DDX43: variants seen among roughly 807,000 people sequenced by gnomAD.
DDX43 encodes the protein probable ATP-dependent RNA helicase DDX43.
Under a neutral mutation model 84.9 loss-of-function variants are expected in DDX43, and 50 were observed. The ratio of observed to expected loss-of-function variants is 0.59; its 90% CI spans 0.47 to 0.75. DDX43 has a LOEUF of 0.75. Ranked by LOEUF, DDX43 falls within the 30% of genes least tolerant of loss-of-function variation. DDX43 has a pLI of 0.00. For synonymous variants in DDX43, 291 were observed against 266.3 expected (o/e 1.09, Z -0.90); for missense variants, 689 against 798.6 (o/e 0.86, Z 1.65).
chr6:73,401,825 GA>G lies in DDX43; in HGVS notation c.437-27del, dbSNP rs770835193. On this transcript the variant is annotated intron_variant, in intron 3 of 16. Transcript: ENST00000370336. ...TCAAAAAAAAAAAAAAAAAAAAATA[GA>G]AAAAAACTAATCGATACAAATGTTT... 1,048 of 1,207,916 alleles carry G rather than the reference GA, an allele frequency of 8.7e-4. 6 individuals carry two copies. The African/African-American group carries it at 0.015, about 17-fold the overall frequency. The allele number at this position is 1,207,916 out of a possible 1,614,324, so 74.8% of individuals were successfully genotyped here.
At chr6:73,415,440 T>G in intron 14 of DDX43, 57 bp from the exon 15 acceptor site, 9 of 1,267,106 alleles carry the variant, frequency 7.1e-6, no homozygotes, top group Non-Finnish European at 1.0e-5. Context: ...TTTTCATTTG[T>G]CTTATTCTGT....
chr6:73,404,786 T>C lies in DDX43; in HGVS notation c.650+15T>C. On this transcript the variant is annotated intron_variant, in intron 5 of 16. Transcript: ENST00000370336. The stretch of plus-strand genomic sequence containing the variant: ...GATAGTTGGAGGTGGGTAGTTTCAT[T>C]ACCTAGTTGTGTAAGTATTTGTATA... 6.3e-7 allele frequency: 1 copy of C among 1,588,188 alleles called. No homozygotes were observed. The highest frequency in any genetic ancestry group is 1.1e-5 in the South Asian group (1 of 89,392).
In DDX43 at chr6:73,416,246, G is replaced by A; in HGVS notation, c.*20G>A. 1.5e-6 allele frequency: 2 copies of A among 1,323,550 alleles called. No homozygotes were observed. The highest frequency in any genetic ancestry group is 2.2e-6 in the Non-Finnish European group (2 of 919,168). 82.0% of individuals were successfully genotyped at this position (1,323,550 alleles called of 1,614,324 possible). ...CATTAATGTCTTCTGTACTAGTGGG[G>A]TAGAGGTAAAAGTTCAATAACATAT... On this transcript the variant is annotated 3_prime_UTR_variant, in exon 16 of 17. Transcript: ENST00000370336.
In DDX43 at chr6:73,397,735, C is replaced by T. The variant is rs559762267; in HGVS notation, c.297C>T (p.Thr99=). The T allele has an allele frequency of 6.6e-5, 107 of 1,613,732 alleles. 1 individual carries two copies. The South Asian group carries it at 1.1e-3, about 17-fold the overall frequency. ...KIKNIQSTTN[T]TIQIIQEQPE... The stretch of plus-strand genomic sequence containing the variant: ...AGAATATACAAAGTACAACAAACAC[C>T]ACAATCCAAGTAAGCCATCTGTGTT... Residue 99 remains threonine (T), a synonymous_variant, in exon 2 of 17, where the codon ACC becomes ACT. Coordinates refer to ENST00000370336, the MANE Select transcript of DDX43 (RefSeq NM_018665.3).
chr6:73,400,290 A>G lies in DDX43; in HGVS notation c.363A>G (p.Gln121=), dbSNP rs146682107. 8.1e-6 allele frequency: 13 copies of G among 1,611,062 alleles called. No homozygotes were observed. The highest frequency in any genetic ancestry group is 1.0e-5 in the Non-Finnish European group (12 of 1,178,962). The stretch of plus-strand genomic sequence containing the variant: ...AAATTTTTGGCAGCAAGGCAATGCA[A>G]ACGAAAGCAAAAGCAGTGATAGACA... ...LVKIFGSKAM[Q]TKAKAVIDNF... is the part of the protein sequence containing the mutation. The change falls in exon 3 of 17, where the codon CAA becomes CAG. Residue 121 remains glutamine (Q), a synonymous_variant. Transcript: ENST00000370336.
chr6:73,404,870 C>T (rs1035943187), intron 5 of DDX43, 99 bp downstream of exon 5: 44 of 913,816 alleles, frequency 4.8e-5, no homozygotes, highest in Non-Finnish European at 7.2e-5. Flanking sequence ...AAGGCTACGC[C>T]TTCAATATTC....
At chr6:73,409,008 G>A (rs1769734497) in intron 9 of DDX43, among the ~76,000 whole-genome samples, 1 of 152,206 alleles carries the variant, frequency 6.6e-6, no homozygotes, top group Non-Finnish European at 1.5e-5. Context: ...GGATATTTTA[G>A]ACACTTAAAA....
chr6:73,406,416 A>G lies in DDX43; in HGVS notation c.860A>G (p.Gln287Arg). 6.2e-7 allele frequency: 1 copy of G among 1,613,866 alleles called. No homozygotes were observed. ...GGAATAGATCTTATAGGAGTAGCCC[A>G]GACTGGAACAGGAAAGACATTGTGT... ...LQGIDLIGVA[Q>R]TGTGKTLCYL... The change falls in exon 7 of 17, where the codon CAG becomes CGG. Residue 287 changes from glutamine (Q) to arginine (R), a missense_variant. This residue lies in a region of DDX43 where 552 missense variants were observed against 692.7 expected (regional missense o/e 0.80). Transcript: ENST00000370336.
At chr6:73,397,562 A>G (rs1769495498) in intron 1 of DDX43, 127 bp from the exon 2 acceptor site, 2 of 756,822 alleles carry the variant, frequency 2.6e-6, no homozygotes, top group Admixed American at 2.5e-5. Context: ...TCCAAACAAA[A>G]AATGATTGTT....
At chr6:73,399,196 C>T (rs1769525590) in intron 2 of DDX43, among the ~76,000 whole-genome samples, 1 of 152,208 alleles carries the variant, frequency 6.6e-6, no homozygotes. Context: ...ATCCACCCGC[C>T]TCAGCCTCCC....
intron 2 of DDX43, among the ~76,000 whole-genome samples, chr6:73,398,904 T>C (rs1383878391): frequency 6.6e-6 from 1 of 152,210 alleles, no homozygotes; most frequent in East Asian, 1.9e-4. Context: ...CTTCCATTTG[T>C]ATCCTCTAAT....
Position 73,395,170 on chromosome 6 carries a change from G to A in DDX43, c.250+15G>A. 1 of 1,594,968 alleles carries A rather than the reference G, an allele frequency of 6.3e-7. No individual in the cohort carries two copies. The highest frequency in any genetic ancestry group is 1.3e-5 in the African/African-American group (1 of 74,576). On this transcript the variant is annotated intron_variant, in intron 1 of 16. Transcript: ENST00000370336. Reference sequence around the variant, plus strand: ...CGCGGTAATCGGTGAGAATGGGAGTGGCTGGCAGGGCAGGATAGGTGGGGC... The same window carrying A: ...CGCGGTAATCGGTGAGAATGGGAGTAGCTGGCAGGGCAGGATAGGTGGGGC...
Position 73,403,816 on chromosome 6 carries a change from A to AT in DDX43, c.569-855dup, listed in dbSNP as rs35707346. Among the ~76,000 whole-genome samples, 667 of 138,602 alleles carry AT rather than the reference A, an allele frequency of 4.8e-3. 11 individuals are homozygous for AT. The highest frequency in any genetic ancestry group is 0.044 in the South Asian group (186 of 4,198). 90.9% of individuals were successfully genotyped at this position (138,602 alleles called of 152,430 possible). ...AGGCACATACCACCATGCCAGGCTAATTTTTTTTTTTTTTTTTTTAAATGG... is the reference window on the plus strand; with the variant it reads ...AGGCACATACCACCATGCCAGGCTAATTTTTTTTTTTTTTTTTTTTAAATGG... On this transcript the variant is annotated intron_variant, in intron 4 of 16. Transcript: ENST00000370336.
At chr6:73,397,836 T>TGAGG in intron 2 of DDX43, 92 bp downstream of exon 2, 1 of 1,166,190 alleles carries the variant, frequency 8.6e-7, no homozygotes, top group Non-Finnish European at 1.3e-6. Context: ...ACAGCCTCAT[T>TGAGG]CTGTCTCCCA....
chr6:73,395,083 G>T lies in DDX43; in HGVS notation c.178G>T (p.Ala60Ser). Residue 60 changes from alanine to serine, a missense_variant, in exon 1 of 17, where the codon GCC (alanine) becomes TCC (serine). Physicochemically the swap from Ala to Ser is moderately conservative, Grantham distance 99. Around this residue, in one of 2 missense-constraint regions of DDX43, gnomAD observed 137 missense variants for 105.9 expected, o/e 1.29. Transcript: ENST00000370336. ...GAGAGGCACCTCTAGGCCCCCGGAG[G>T]CCGTGGCCGCTGGTCACGAGGAACT... The part of the protein sequence containing the change: ...RWRGTSRPPE[A>S]VAAGHEELPL... The T allele has an allele frequency of 1.2e-6, 2 of 1,614,184 alleles. No individual in the cohort carries two copies. Among genetic ancestry groups the T allele is most frequent in the Non-Finnish European group, 1.7e-6 (2 of 1,179,994 alleles).
intron 3 of DDX43, among the ~76,000 whole-genome samples, chr6:73,400,706 A>G (rs1298879566): frequency 6.6e-6 from 1 of 152,204 alleles, no homozygotes; most frequent in Non-Finnish European, 1.5e-5. Context: ...TGGGTAGAGT[A>G]AGGATTGGTC....
At chr6:73,412,806 C>T (rs1769829323) in intron 11 of DDX43, among the ~76,000 whole-genome samples, 1 of 152,072 alleles carries the variant, frequency 6.6e-6, no homozygotes, top group Non-Finnish European at 1.5e-5. Context: ...TCTCAGCTCA[C>T]TGCAACCTCT....
At position 73,404,687 on chromosome 6, in the gene DDX43, C is replaced by A; in HGVS notation, c.569-3C>A. On this transcript the variant is annotated splice_region_variant and splice_polypyrimidine_tract_variant and intron_variant, in intron 4 of 16. Coordinates refer to ENST00000370336, the MANE Select transcript of DDX43 (RefSeq NM_018665.3). ...AAAGTGTGGATTTTCGCCTTTGTCC[C>A]AGATTTACCACCAATTAAGAAAAAC... 6.2e-7 allele frequency: 1 copy of A among 1,608,156 alleles called. No individual in the cohort carries two copies. Among genetic ancestry groups the A allele is most frequent in the South Asian group, 1.1e-5 (1 of 89,430 alleles).
In DDX43 at chr6:73,401,975, A is replaced by C; in HGVS notation, c.553A>C (p.Lys185Gln). 3.1e-6 allele frequency: 5 copies of C among 1,614,090 alleles called. No homozygotes were observed. Among genetic ancestry groups the C allele is most frequent in the Non-Finnish European group, 3.4e-6 (4 of 1,179,982 alleles). ...QIREEGLKWQKTKWADLPPIK... is the reference protein window; with the variant it reads ...QIREEGLKWQQTKWADLPPIK... ...TAGAGAGGAAGGTTTGAAATGGCAA[A>C]AAACAAAGTGGGCAGGTCAGTGCTG... Residue 185 changes from lysine (K) to glutamine (Q), a missense_variant, in exon 4 of 17, where the codon AAA (lysine) becomes CAA (glutamine). Lys to Gln is a moderately conservative substitution (Grantham distance 53). Coordinates refer to ENST00000370336, the MANE Select transcript of DDX43 (RefSeq NM_018665.3).
Sources: gnomAD v4.1 joint callset for allele counts (sites outside exome capture counted in the v4.1 genomes callset) on GRCh38, gnomAD v4.1.1 for gene constraint, gnomAD v4.1.1 regional missense constraint, MANE v1.5 for transcripts, NCBI Gene and HGNC (gene_info 2026-07-23, HGNC 2026-07-21) for gene names.